Variants in SMPX observed in about 807,000 individuals in gnomAD.
SMPX encodes the protein small muscular protein.
Under a neutral mutation model 6.3 loss-of-function variants are expected in SMPX, and 2 were observed. The observed-to-expected ratio is 0.32, with a 90% confidence interval of 0.13 to 0.99. The LOEUF is 0.99. Among genes scored for constraint, SMPX ranks in the 50% least tolerant of loss-of-function variants. The pLI is 0.49. For synonymous variants in SMPX, 32 were observed against 24.7 expected (o/e 1.30, Z -0.88); for missense variants, 60 against 66.8 (o/e 0.90, Z 0.36).
At chrX:21,719,604 G>C (rs984629287) in intron 4 of SMPX, among the ~76,000 whole-genome samples, 1 of 111,733 alleles carries the variant, frequency 8.9e-6, no homozygotes, top group African/African-American at 3.3e-5. Context: ...GTGGGAGCAA[G>C]CTGAGGAGAG....
intron 4 of SMPX, among the ~76,000 whole-genome samples, chrX:21,716,007 G>A (rs1004232234): frequency 8.9e-6 from 1 of 112,096 alleles, no homozygotes; most frequent in Admixed American, 9.4e-5. Flanking sequence ...GTGCACTGGT[G>A]TGTTAAGTGG....
At chrX:21,731,222 T>C (rs1275338582) in intron 4 of SMPX, among the ~76,000 whole-genome samples, 1 of 109,097 alleles carries the variant, frequency 9.2e-6, no homozygotes, top group East Asian at 3.0e-4. Flanking sequence ...CATTCCATTA[T>C]GGTCATAGAA....
intron 4 of SMPX, among the ~76,000 whole-genome samples, chrX:21,724,518 CT>C (rs1258687659): frequency 8.9e-6 from 1 of 112,113 alleles, no homozygotes; most frequent in East Asian, 2.8e-4. Context: ...GTAGATTAAT[CT>C]TGAATATCTT....
At chrX:21,745,179 A>G (rs1007582351) in intron 2 of SMPX, among the ~76,000 whole-genome samples, 2 of 112,291 alleles carry the variant, frequency 1.8e-5, no homozygotes, top group African/African-American at 6.5e-5. Flanking sequence ...TAGTACCAAC[A>G]AGCCAAGGAG....
chrX:21,707,683 T>A (rs952349568), intron 4 of SMPX, among the ~76,000 whole-genome samples: 2 of 112,682 alleles, frequency 1.8e-5, no homozygotes, highest in African/African-American at 6.5e-5. Flanking sequence ...TTTGAGCCTA[T>A]GCCTCAAAAG....
chrX:21,723,853 G>A (rs751620591), intron 4 of SMPX, among the ~76,000 whole-genome samples: 21 of 112,180 alleles, frequency 1.9e-4, no homozygotes, highest in Non-Finnish European at 3.6e-4. Context: ...ATGGCATTGG[G>A]GGTGGTGATG....
At chrX:21,736,629 G>T (rs1352067886) in intron 4 of SMPX, among the ~76,000 whole-genome samples, 2 of 111,864 alleles carry the variant, frequency 1.8e-5, no homozygotes, top group Non-Finnish European at 3.8e-5. Context: ...AATAAATATC[G>T]ATTGAATGAA....
intron 2 of SMPX, among the ~76,000 whole-genome samples, chrX:21,749,405 G>T (rs1161760271): frequency 8.9e-6 from 1 of 111,801 alleles, no homozygotes; most frequent in Non-Finnish European, 1.9e-5. Context: ...GTTTCTAAAG[G>T]TTGAGTTCTT....
At chrX:21,752,430 A>T (rs1052995681) in intron 2 of SMPX, among the ~76,000 whole-genome samples, 5 of 112,134 alleles carry the variant, frequency 4.5e-5, no homozygotes, top group African/African-American at 1.6e-4. Flanking sequence ...CAACTTTAAC[A>T]TAAAGTATTC....
At chrX:21,732,942 A>G (rs1369029327) in intron 4 of SMPX, among the ~76,000 whole-genome samples, 2 of 111,645 alleles carry the variant, frequency 1.8e-5, no homozygotes, top group Non-Finnish European at 3.8e-5. Context: ...GGCCATCTGC[A>G]AGCCAGGAAG....
In SMPX at chrX:21,753,907, G is replaced by A. The variant is rs2092830002; in HGVS notation, c.45+339C>T. On this transcript the variant is annotated intron_variant, in intron 2 of 4. Transcript: ENST00000379494. ...AACAAACTGTGATTCATCTGTTTGT[G>A]CACATATCAATTGGAAATTAAAAAT... Among the ~76,000 whole-genome samples the A allele has an allele frequency of 2.7e-5, 3 of 112,252 alleles. No individual in the cohort carries two copies. The South Asian group carries it at 1.1e-3, about 42-fold the overall frequency.
Position 21,706,150 on chromosome X carries a change from A to T in SMPX, c.*259T>A, listed in dbSNP as rs2092772604. On this transcript the variant is annotated 3_prime_UTR_variant, in exon 5 of 5. Coordinates refer to ENST00000379494, the MANE Select transcript of SMPX (RefSeq NM_014332.3). ...TTGCCATATCATTCTCCATAAAATC[A>T]TATCCCTCCTCAAAACCACACCCTC... 7.8e-6 allele frequency: 4 copies of T among 512,812 alleles called. No homozygotes were observed. The East Asian group carries it at 1.4e-4, about 19-fold the overall frequency. The allele number at this position is 512,812 out of a possible 1,213,427, so 42.3% of individuals were successfully genotyped here.
At chrX:21,724,363 ATGTG>A (rs963541174) in intron 4 of SMPX, among the ~76,000 whole-genome samples, 1 of 112,315 alleles carries the variant, frequency 8.9e-6, no homozygotes, top group African/African-American at 3.2e-5. Context: ...ATGTATGTGC[ATGTG>A]TGTGTGTATG....
intron 4 of SMPX, among the ~76,000 whole-genome samples, chrX:21,719,866 T>C (rs1395835474): frequency 8.9e-6 from 1 of 112,241 alleles, no homozygotes; most frequent in African/African-American, 3.2e-5. Flanking sequence ...ATCTTCCTAA[T>C]CTCCCCAAAG....
intron 4 of SMPX, among the ~76,000 whole-genome samples, chrX:21,722,811 A>C (rs1015031845): frequency 9.0e-6 from 1 of 111,141 alleles, no homozygotes; most frequent in Non-Finnish European, 1.9e-5. Context: ...ACCTTGCGGA[A>C]AGTCATGTAA....
At chrX:21,739,106 C>T (rs1602108082) in intron 3 of SMPX, among the ~76,000 whole-genome samples, 1 of 110,917 alleles carries the variant, frequency 9.0e-6, no homozygotes, top group East Asian at 2.9e-4. Flanking sequence ...GCCTCCACCC[C>T]ACCCTTACCC....
rs759552778 is a variant in SMPX at position 21,743,827 on chromosome X, T to C, written c.55A>G (p.Asn19Asp). 57 of 1,201,662 alleles carry C rather than the reference T, an allele frequency of 4.7e-5. No homozygotes were observed. In the East Asian group the frequency reaches 1.7e-3, roughly 35 times the overall value. Residue 19 changes from asparagine (N) to aspartate (D), a missense_variant, in exon 3 of 5, where the codon AAT becomes GAT. By Grantham distance (23) the Asn-to-Asp change is conservative. Coordinates refer to ENST00000379494, the MANE Select transcript of SMPX (RefSeq NM_014332.3). ...GGCCGAAAGGCTCCCATTGGAATAT[T>C]GATATTTGCCTAAAAGAGAAAACAG... Reference protein sequence around the residue: ...SNVRAIQANINIPMGAFRPGA... With the variant: ...SNVRAIQANIDIPMGAFRPGA...
At chrX:21,720,229 T>C (rs1190450250) in intron 4 of SMPX, among the ~76,000 whole-genome samples, 1 of 112,471 alleles carries the variant, frequency 8.9e-6, no homozygotes, top group African/African-American at 3.2e-5. Flanking sequence ...TGTTTTTTCT[T>C]GAATCACTCA....
At chrX:21,754,094 C>T (rs974574134) in intron 2 of SMPX, 152 bp downstream of exon 2, 7 of 554,997 alleles carry the variant, frequency 1.3e-5, no homozygotes, top group Admixed American at 9.5e-5. Flanking sequence ...CTCAGTTGTA[C>T]CTAACTGGTT....
Sources: gnomAD v4.1 joint callset for allele counts (sites outside exome capture counted in the v4.1 genomes callset) on GRCh38, gnomAD v4.1.1 for gene constraint, MANE v1.5 for transcripts, NCBI Gene and HGNC (gene_info 2026-07-23, HGNC 2026-07-21) for gene names.